The following ASAP1 variants were observed in gnomAD, a reference collection of about 807,000 sequenced individuals.
ASAP1 encodes arf-GAP with SH3 domain, ANK repeat and PH domain-containing protein 1.
A neutral mutation model predicts 145.2 loss-of-function variants in ASAP1; 43 were observed. The ratio of observed to expected loss-of-function variants is 0.30; its 90% confidence interval spans 0.23 to 0.38. ASAP1 has a LOEUF of 0.38. ASAP1 is among the 10% of genes least tolerant of loss of function. ASAP1 has a pLI of 1.00. For missense variants in ASAP1, 1,018 were observed against 1,355.3 expected, an observed-to-expected ratio of 0.75 and a Z score of 3.91; for synonymous variants, 546 against 515.5, an observed-to-expected ratio of 1.06 and a Z score of -0.80.
In ASAP1 at chr8:130,178,605, G is replaced by C. The variant is rs78557212; in HGVS notation, c.746+659C>G. On this transcript the variant is annotated intron_variant, in intron 9 of 29. Transcript: ENST00000518721. Reference sequence around the variant, plus strand: ...TTAGATGAAACAAAACAAAACTGAAGACTCCAGGTGGAAATACATGGTGCA... The same window carrying C: ...TTAGATGAAACAAAACAAAACTGAACACTCCAGGTGGAAATACATGGTGCA... Among the ~76,000 whole-genome samples, 7 of 152,286 alleles carry C rather than the reference G, an allele frequency of 4.6e-5. No individual in the cohort carries two copies. The East Asian group carries it at 1.4e-3, about 29-fold the overall frequency.
At chr8:130,072,825 G>GTGTGTGTGTGTGTGTGTGCGCA in intron 27 of ASAP1, among the ~76,000 whole-genome samples, 17 of 54,098 alleles carry the variant, frequency 3.1e-4, no homozygotes, top group East Asian at 1.2e-3. Flanking sequence ...GTGTGTGTGT[G>GTGTGTGTGTGTGTGTGTGCGCA]CGCGCGGGGG....
intron 3 of ASAP1, among the ~76,000 whole-genome samples, chr8:130,267,603 C>A (rs757382944): frequency 1.6e-4 from 25 of 152,184 alleles, no homozygotes; most frequent in Non-Finnish European, 2.9e-4. Flanking sequence ...CTCAGCAGAA[C>A]CCCTCTCCCT....
At chr8:130,187,826 G>T (rs547327983) in intron 6 of ASAP1, among the ~76,000 whole-genome samples, 1 of 152,264 alleles carries the variant, frequency 6.6e-6, no homozygotes, top group Admixed American at 6.5e-5. Flanking sequence ...GAAGGGCTGG[G>T]TCCCCAGTGG....
intron 5 of ASAP1, among the ~76,000 whole-genome samples, chr8:130,188,723 C>CAA (rs370580190): frequency 0.17 from 13,818 of 83,236 alleles, 1,359 homozygotes; most frequent in East Asian, 0.37. Flanking sequence ...GAGACTCTCT[C>CAA]AAAAAAAAAA....
intron 29 of ASAP1, among the ~76,000 whole-genome samples, chr8:130,057,026 G>A (rs1564909853): frequency 1.3e-5 from 2 of 152,304 alleles, no homozygotes; most frequent in South Asian, 2.1e-4. Flanking sequence ...CCTGATGCCT[G>A]AGCTGCAGGT....
chr8:130,280,103 G>C (rs75423833), intron 3 of ASAP1, among the ~76,000 whole-genome samples: 1 of 152,276 alleles, frequency 6.6e-6, no homozygotes, highest in East Asian at 1.9e-4. Flanking sequence ...TGCTGACAAG[G>C]AAACCATGGT....
chr8:130,394,285 C>T (rs571431586), intron 2 of ASAP1, among the ~76,000 whole-genome samples: 36 of 152,248 alleles, frequency 2.4e-4, no homozygotes, highest in East Asian at 3.9e-4. Context: ...AAAGAGAATG[C>T]GCCCCTGAGG....
At chr8:130,058,653 AT>A (rs1190148620) in intron 28 of ASAP1, among the ~76,000 whole-genome samples, 1 of 152,182 alleles carries the variant, frequency 6.6e-6, no homozygotes, top group Non-Finnish European at 1.5e-5. Flanking sequence ...TTGAGCATTT[AT>A]TTGTTGAACT....
chr8:130,154,599 A>C (rs946670385), intron 12 of ASAP1, among the ~76,000 whole-genome samples: 1 of 152,232 alleles, frequency 6.6e-6, no homozygotes, highest in Non-Finnish European at 1.5e-5. Flanking sequence ...CATTTAAAAC[A>C]GTATCATCTT....
intron 24 of ASAP1, among the ~76,000 whole-genome samples, chr8:130,108,089 C>T (rs577890509): frequency 6.6e-6 from 1 of 152,300 alleles, no homozygotes; most frequent in African/African-American, 2.4e-5. Flanking sequence ...CTCTGTGGCA[C>T]CAACCCTTCA....
At chr8:130,159,804 G>T in intron 12 of ASAP1, 60 bp downstream of exon 12, 2 of 1,343,882 alleles carry the variant, frequency 1.5e-6, no homozygotes, top group Non-Finnish European at 2.1e-6. Flanking sequence ...CTATATGAGA[G>T]ACTGGAAACA....
intron 23 of ASAP1, 113 bp from the exon 24 acceptor site, chr8:130,112,435 G>C: frequency 3.8e-6 from 3 of 781,996 alleles, no homozygotes; most frequent in Non-Finnish European, 4.1e-6. Flanking sequence ...GGCTCTCTGA[G>C]CTTTATGAGG....
At chr8:130,173,870 C>T (rs1351790719) in intron 9 of ASAP1, among the ~76,000 whole-genome samples, 1 of 148,776 alleles carries the variant, frequency 6.7e-6, no homozygotes, top group South Asian at 2.1e-4. Context: ...CTCAGGAGTT[C>T]GAGACCAGCC....
intron 2 of ASAP1, among the ~76,000 whole-genome samples, chr8:130,392,484 T>C (rs1828327717): frequency 6.6e-6 from 1 of 152,252 alleles, no homozygotes; most frequent in Non-Finnish European, 1.5e-5. Flanking sequence ...GCACCTAATA[T>C]GTGCCAAGTA....
At chr8:130,420,302 G>A (rs965602652) in intron 1 of ASAP1, among the ~76,000 whole-genome samples, 2 of 151,178 alleles carry the variant, frequency 1.3e-5, no homozygotes, top group Non-Finnish European at 2.9e-5. Context: ...AAGTCTTGGC[G>A]AGGATGTAGA....
At chr8:130,127,212 G>A (rs1396715757) in intron 16 of ASAP1, among the ~76,000 whole-genome samples, 1 of 152,126 alleles carries the variant, frequency 6.6e-6, no homozygotes, top group Admixed American at 6.5e-5. Context: ...GATTTCACAT[G>A]CACCATTTCT....
chr8:130,321,451 G>C (rs1178157121), intron 3 of ASAP1, among the ~76,000 whole-genome samples: 1 of 152,032 alleles, frequency 6.6e-6, no homozygotes, highest in African/African-American at 2.4e-5. Flanking sequence ...CAGTCAATAG[G>C]AATGTGAACT....
chr8:130,266,031 G>A (rs948531924), intron 3 of ASAP1, among the ~76,000 whole-genome samples: 7 of 152,180 alleles, frequency 4.6e-5, no homozygotes, highest in Admixed American at 1.3e-4. Context: ...ACCTAAGGGA[G>A]CTTAGGTTTC....
chr8:130,286,476 C>G (rs115706723), intron 3 of ASAP1, among the ~76,000 whole-genome samples: 2,504 of 152,254 alleles, frequency 0.016, 69 homozygotes, highest in African/African-American at 0.055. Context: ...CCTTCATGTA[C>G]TGATGGAGTT....
Sources: gnomAD v4.1 joint callset for allele counts (sites outside exome capture counted in the v4.1 genomes callset) on GRCh38, gnomAD v4.1.1 for gene constraint, MANE v1.5 for transcripts, NCBI Gene and HGNC (gene_info 2026-07-23, HGNC 2026-07-21) for gene names.